The following NSD1 variants were observed in gnomAD, a reference collection of about 807,000 sequenced individuals.
The protein encoded by NSD1 is nuclear receptor binding SET domain protein 1.
A neutral mutation model predicts 242.7 loss-of-function variants in NSD1; 26 were observed. The ratio of observed to expected loss-of-function variants is 0.11; its 90% CI spans 0.08 to 0.15. The LOEUF (loss-of-function observed/expected upper bound fraction) is 0.15. Ranked by LOEUF, NSD1 falls within the 10% of genes least tolerant of loss-of-function variation. The pLI is 1.00. For missense variants in NSD1, 2,495 were observed against 3,272.8 expected, an observed-to-expected ratio of 0.76 and a Z score of 5.80; for synonymous variants, 1,106 against 1,178.1, an observed-to-expected ratio of 0.94 and a Z score of 1.25.
intron 5 of NSD1, among the ~76,000 whole-genome samples, chr5:177,227,841 G>A (rs756603906): frequency 3.3e-5 from 5 of 151,728 alleles, no homozygotes; most frequent in African/African-American, 1.2e-4. Flanking sequence ...CCAGCTATTC[G>A]GGACAGTTAG....
At chr5:177,203,004 C>G (rs1762617120) in intron 3 of NSD1, among the ~76,000 whole-genome samples, 1 of 152,128 alleles carries the variant, frequency 6.6e-6, no homozygotes, top group Admixed American at 6.5e-5. Flanking sequence ...TAAATCCCTT[C>G]TCTCCTTTGT....
rs755189166 is a variant in NSD1 at position 177,273,736 on chromosome 5, G to A, written c.5574G>A (p.Gln1858=). The change falls in exon 17 of 23, where the codon CAG becomes CAA. Residue 1858 remains glutamine (Q), a synonymous_variant. Transcript: ENST00000439151. The part of the protein sequence containing the change: ...LKAQKELRQL[Q]EDRKNDKKPP... ...CCCAAAAAGAGCTAAGACAGCTGCAGGAAGACCGAAAGAATGACAAGAAGC... is the reference window on the plus strand; with the variant it reads ...CCCAAAAAGAGCTAAGACAGCTGCAAGAAGACCGAAAGAATGACAAGAAGC... 1.2e-6 allele frequency: 2 copies of A among 1,613,890 alleles called. No individual in the cohort carries two copies. The highest frequency in any genetic ancestry group is 2.2e-5 in the South Asian group (2 of 91,082).
chr5:177,133,844 G>C lies in NSD1; in HGVS notation c.-126G>C, dbSNP rs1354511924. ...TCCCCTGAAGAGAGACGCGGGGGGAGGGGGGTGCGGCGAGCGGCCCCGCTC... is the reference window on the plus strand; with the variant it reads ...TCCCCTGAAGAGAGACGCGGGGGGACGGGGGTGCGGCGAGCGGCCCCGCTC... On this transcript the variant is annotated 5_prime_UTR_variant, in exon 1 of 23. Coordinates refer to ENST00000439151, the MANE Select transcript of NSD1 (RefSeq NM_022455.5). This position sits in a 1 kb window ranked among gnomAD's most constrained non-coding sequence, Gnocchi z 6.2. 1 of 150,668 alleles carries C rather than the reference G, an allele frequency of 6.6e-6. No homozygotes were observed. The highest frequency in any genetic ancestry group is 1.5e-5 in the Non-Finnish European group (1 of 67,484). 9.3% of individuals were successfully genotyped at this position (150,668 alleles called of 1,614,324 possible). A position where few individuals can be genotyped will look rare whatever the true frequency, so the allele number is the denominator to read the frequency against.
chr5:177,185,455 G>A (rs1761026998), intron 2 of NSD1, among the ~76,000 whole-genome samples: 2 of 151,108 alleles, frequency 1.3e-5, no homozygotes, highest in South Asian at 2.1e-4. Flanking sequence ...AAAATTAGCC[G>A]GGCATGGTGG....
At chr5:177,283,189 G>A (rs1759035223) in intron 19 of NSD1, among the ~76,000 whole-genome samples, 2 of 152,136 alleles carry the variant, frequency 1.3e-5, no homozygotes, top group Admixed American at 1.3e-4. Context: ...CCTGACCTCA[G>A]GTGATCTGCC....
intron 2 of NSD1, among the ~76,000 whole-genome samples, chr5:177,167,352 C>T (rs1033321886): frequency 2.0e-5 from 3 of 152,008 alleles, no homozygotes; most frequent in African/African-American, 7.2e-5. Context: ...GTCTGTCCAA[C>T]ATGGTGAAAC....
chr5:177,217,952 G>A (rs914843774), intron 5 of NSD1, among the ~76,000 whole-genome samples: 4 of 152,000 alleles, frequency 2.6e-5, no homozygotes, highest in African/African-American at 9.7e-5. Context: ...GTCACATTCT[G>A]TCACTTAGGT....
intron 5 of NSD1, among the ~76,000 whole-genome samples, chr5:177,234,250 G>A (rs1245617122): frequency 1.3e-5 from 2 of 152,174 alleles, no homozygotes; most frequent in Non-Finnish European, 2.9e-5. Context: ...TGTTCAACAT[G>A]GTGATAGAGC....
chr5:177,202,836 T>C (rs1428247944), intron 3 of NSD1, among the ~76,000 whole-genome samples: 2 of 149,860 alleles, frequency 1.3e-5, no homozygotes, highest in Admixed American at 1.3e-4. Context: ...AAGGAGTTCA[T>C]TTTTTTTTTC....
chr5:177,277,780 C>T (rs768779521), intron 17 of NSD1, among the ~76,000 whole-genome samples: 1 of 152,106 alleles, frequency 6.6e-6, no homozygotes, highest in Non-Finnish European at 1.5e-5. Flanking sequence ...GGAAAGTCAA[C>T]GCTGCAGTGA....
At chr5:177,234,092 G>A (rs982669678) in intron 5 of NSD1, among the ~76,000 whole-genome samples, 16 of 152,210 alleles carry the variant, frequency 1.1e-4, no homozygotes, top group African/African-American at 3.9e-4. Flanking sequence ...AATGAACAAG[G>A]TGGTGATTTT....
intron 2 of NSD1, among the ~76,000 whole-genome samples, chr5:177,167,551 T>A (rs570950565): frequency 6.6e-6 from 1 of 151,522 alleles, no homozygotes; most frequent in Non-Finnish European, 1.5e-5. Context: ...AAAAAAAATA[T>A]ATTTGTGAGG....
At chr5:177,267,907 A>C (rs1757629274) in intron 15 of NSD1, among the ~76,000 whole-genome samples, 189 bp downstream of exon 15, 2 of 149,812 alleles carry the variant, frequency 1.3e-5, no homozygotes, top group African/African-American at 4.9e-5. Context: ...GGAATAATAC[A>C]TGTTCTCTGT....
intron 21 of NSD1, among the ~76,000 whole-genome samples, chr5:177,291,603 AGATC>A (rs1227553623): frequency 2.0e-5 from 3 of 152,240 alleles, no homozygotes; most frequent in Non-Finnish European, 2.9e-5. Flanking sequence ...CAGTGAGCCG[AGATC>A]GCGCCACTGC....
chr5:177,159,207 T>C (rs569492442), intron 2 of NSD1, among the ~76,000 whole-genome samples: 1 of 151,074 alleles, frequency 6.6e-6, no homozygotes, highest in African/African-American at 2.4e-5. Flanking sequence ...CATGCCCGGA[T>C]TTTTTGTCTT....
chr5:177,212,314 C>A (rs2149850326), intron 5 of NSD1, 119 bp downstream of exon 5: 1 of 952,898 alleles, frequency 1.0e-6, no homozygotes, highest in East Asian at 2.6e-5. Flanking sequence ...GGGGAAGAAT[C>A]ATCACTTCAA....
intron 10 of NSD1, 40 bp downstream of exon 10, chr5:177,246,836 A>T: frequency 6.8e-7 from 1 of 1,460,186 alleles, no homozygotes; most frequent in Non-Finnish European, 9.6e-7. Flanking sequence ...TCTAAAGAGA[A>T]GCTACTTTTC....
intron 2 of NSD1, among the ~76,000 whole-genome samples, chr5:177,136,630 TCTCA>T (rs1232940700): frequency 6.7e-6 from 1 of 150,134 alleles, no homozygotes; most frequent in Non-Finnish European, 1.5e-5. Context: ...TGAGGTGGAG[TCTCA>T]CTCTGTTGCC....
At chr5:177,288,415 A>G (rs575128624) in intron 20 of NSD1, 2 of 264,570 alleles carry the variant, frequency 7.6e-6, no homozygotes, top group East Asian at 2.1e-4. Flanking sequence ...GAGTGCTGCC[A>G]GGTAACATGT....
Sources: gnomAD v4.1 joint callset for allele counts (sites outside exome capture counted in the v4.1 genomes callset) on GRCh38, gnomAD v4.1.1 for gene constraint, Gnocchi (gnomAD v3.1) non-coding constraint, MANE v1.5 for transcripts, NCBI Gene and HGNC (gene_info 2026-07-23, HGNC 2026-07-21) for gene names.